Variants in CTNNBL1 observed in about 807,000 individuals in gnomAD.
CTNNBL1 encodes beta-catenin-like protein 1.
CTNNBL1 carries 31 observed loss-of-function variants against 72.7 expected under a neutral mutation model. That is an observed-to-expected ratio of 0.43 (90% CI 0.32 to 0.58). The LOEUF (loss-of-function observed/expected upper bound fraction) is 0.58, where lower values mean the gene tolerates loss of function less well. CTNNBL1 is among the 20% of genes least tolerant of loss of function. The pLI is 0.08. For synonymous variants in CTNNBL1, 240 were observed against 267.3 expected (o/e 0.90, Z 1.00); for missense variants, 534 against 725.1 (o/e 0.74, Z 3.03).
chr20:37,738,686 A>G (rs1249482991), intron 3 of CTNNBL1, among the ~76,000 whole-genome samples: 1 of 152,254 alleles, frequency 6.6e-6, no homozygotes, highest in Non-Finnish European at 1.5e-5. Flanking sequence ...ACACTTTAAA[A>G]GAGATATAAT....
At chr20:37,871,854 G>T in intron 15 of CTNNBL1, 71 bp from the exon 16 acceptor site, 4 of 1,346,630 alleles carry the variant, frequency 3.0e-6, no homozygotes, top group Non-Finnish European at 4.3e-6. Context: ...TCTGGGAAAG[G>T]TATGAAGCGA....
chr20:37,821,571 T>A (rs2072107707), intron 11 of CTNNBL1, among the ~76,000 whole-genome samples: 2 of 152,208 alleles, frequency 1.3e-5, no homozygotes, highest in African/African-American at 4.8e-5. Flanking sequence ...TTAGACATCA[T>A]GTAATTTTAC....
chr20:37,815,538 G>A (rs865823439), intron 11 of CTNNBL1, among the ~76,000 whole-genome samples: 1 of 151,956 alleles, frequency 6.6e-6, no homozygotes, highest in South Asian at 2.1e-4. Flanking sequence ...GGCTGCTCTC[G>A]AACTCCTGAC....
chr20:37,703,038 C>T (rs2072857167), intron 1 of CTNNBL1, among the ~76,000 whole-genome samples: 1 of 152,170 alleles, frequency 6.6e-6, no homozygotes, highest in East Asian at 1.9e-4. Flanking sequence ...TCATTTTCCT[C>T]TTCTTTATTA....
chr20:37,805,064 C>A (rs1394249675), intron 11 of CTNNBL1, among the ~76,000 whole-genome samples: 2 of 152,264 alleles, frequency 1.3e-5, no homozygotes, highest in African/African-American at 4.8e-5. Flanking sequence ...GCTGCCACTC[C>A]TACAAACCGG....
intron 1 of CTNNBL1, among the ~76,000 whole-genome samples, chr20:37,713,523 G>A (rs2072957893): frequency 6.6e-6 from 1 of 152,188 alleles, no homozygotes; most frequent in African/African-American, 2.4e-5. Context: ...CTGACCGTGT[G>A]AACTTTCTGA....
At chr20:37,704,048 A>T (rs1251959953) in intron 1 of CTNNBL1, among the ~76,000 whole-genome samples, 1 of 152,158 alleles carries the variant, frequency 6.6e-6, no homozygotes, top group African/African-American at 2.4e-5. Flanking sequence ...AAGTGCTGGG[A>T]TTACAGGCAT....
At position 37,789,230 on chromosome 20, in the gene CTNNBL1, C is replaced by T. The variant is rs184940930; in HGVS notation, c.1031+9895C>T. Among the ~76,000 whole-genome samples the T allele has an allele frequency of 2.3e-3, 353 of 152,280 alleles. 2 individuals are homozygous for T. Among genetic ancestry groups the T allele is most frequent in the African/African-American group, 8.2e-3 (342 of 41,558 alleles). Reference sequence around the variant, plus strand: ...CAGTGGACAACTGTGTACTGAAAGGCGGAGAGGACCAGAGTCTCTGATGTA... The same window carrying T: ...CAGTGGACAACTGTGTACTGAAAGGTGGAGAGGACCAGAGTCTCTGATGTA... On this transcript the variant is annotated intron_variant, in intron 10 of 15. Coordinates refer to ENST00000361383, the MANE Select transcript of CTNNBL1 (RefSeq NM_030877.5).
chr20:37,766,393 T>C (rs1014918089), intron 6 of CTNNBL1, among the ~76,000 whole-genome samples: 2 of 152,206 alleles, frequency 1.3e-5, no homozygotes, highest in Non-Finnish European at 2.9e-5. Flanking sequence ...GAGTGCCTGA[T>C]GTTTGTCAGG....
chr20:37,703,935 G>A (rs763411712), intron 1 of CTNNBL1, among the ~76,000 whole-genome samples: 3 of 152,002 alleles, frequency 2.0e-5, no homozygotes, highest in Non-Finnish European at 2.9e-5. Flanking sequence ...GTGCCACCAC[G>A]CCTGGCTAAT....
At chr20:37,705,581 A>T (rs908607631) in intron 1 of CTNNBL1, among the ~76,000 whole-genome samples, 1 of 152,234 alleles carries the variant, frequency 6.6e-6, no homozygotes, top group African/African-American at 2.4e-5. Context: ...TTACCCACAC[A>T]TGCTACAGTA....
intron 7 of CTNNBL1, among the ~76,000 whole-genome samples, chr20:37,772,914 C>G (rs566075996): frequency 1.3e-5 from 2 of 152,186 alleles, no homozygotes; most frequent in Admixed American, 1.3e-4. Context: ...AAATCAACCC[C>G]CACTAATTTA....
chr20:37,854,163 A>C (rs985959231), intron 13 of CTNNBL1, among the ~76,000 whole-genome samples: 1 of 152,212 alleles, frequency 6.6e-6, no homozygotes, highest in Non-Finnish European at 1.5e-5. Flanking sequence ...AAGAAAGTGG[A>C]GTTTGGCATT....
chr20:37,759,257 TG>T (rs2073393644), intron 5 of CTNNBL1, among the ~76,000 whole-genome samples: 1 of 152,198 alleles, frequency 6.6e-6, no homozygotes, highest in South Asian at 2.1e-4. Flanking sequence ...GGAAAGACTG[TG>T]GCACTTGCTC....
chr20:37,736,295 A>C (rs1568756975), intron 2 of CTNNBL1, among the ~76,000 whole-genome samples: 1 of 152,204 alleles, frequency 6.6e-6, no homozygotes, highest in Admixed American at 6.5e-5. Context: ...GTGGAAAAAC[A>C]GGCAGTAGGT....
chr20:37,728,387 A>C (rs1411811720), intron 1 of CTNNBL1, among the ~76,000 whole-genome samples: 1 of 152,240 alleles, frequency 6.6e-6, no homozygotes, highest in Non-Finnish European at 1.5e-5. Flanking sequence ...AATTTAAATT[A>C]CATCTGTGGC....
At chr20:37,758,198 T>C (rs570442343) in intron 5 of CTNNBL1, among the ~76,000 whole-genome samples, 1 of 152,362 alleles carries the variant, frequency 6.6e-6, no homozygotes, top group South Asian at 2.1e-4. Context: ...CAGAGAGGAA[T>C]TGGAGAATGT....
At chr20:37,758,403 T>C (rs933536595) in intron 5 of CTNNBL1, among the ~76,000 whole-genome samples, 1 of 152,226 alleles carries the variant, frequency 6.6e-6, no homozygotes, top group Admixed American at 6.5e-5. Context: ...AGGTGCCAGC[T>C]AGGCAAACTG....
chr20:37,738,081 C>T lies in CTNNBL1; in HGVS notation c.326+597C>T, dbSNP rs6020578. Among the ~76,000 whole-genome samples, 908 of 152,294 alleles carry T rather than the reference C, an allele frequency of 6.0e-3. 14 individuals are homozygous for T. Among genetic ancestry groups the T allele is most frequent in the East Asian group, 0.017 (89 of 5,180 alleles). ...AGCTAGCCCTTTTCAAGATCAGCCC[C>T]GCAGTTAACATATTAACTCTCCTGC... On this transcript the variant is annotated intron_variant, in intron 3 of 15. Coordinates refer to ENST00000361383, the MANE Select transcript of CTNNBL1 (RefSeq NM_030877.5).
Sources: gnomAD v4.1 joint callset for allele counts (sites outside exome capture counted in the v4.1 genomes callset) on GRCh38, gnomAD v4.1.1 for gene constraint, MANE v1.5 for transcripts, NCBI Gene and HGNC (gene_info 2026-07-23, HGNC 2026-07-21) for gene names.